Variants in BCL11B observed in about 807,000 individuals in gnomAD.
BCL11B encodes B-cell lymphoma/leukemia 11B.
In BCL11B, 8 loss-of-function variants were observed where a neutral mutation model predicts 49.9. The observed-to-expected ratio is 0.16, with a 90% CI of 0.09 to 0.29. BCL11B has a LOEUF of 0.29. BCL11B is among the 10% of genes least tolerant of loss of function. The pLI is 1.00. For missense variants in BCL11B, 1,006 were observed against 1,351.0 expected (o/e 0.74, Z 4.00); for synonymous variants, 739 against 637.4 (o/e 1.16, Z -2.40).
intron 1 of BCL11B, among the ~76,000 whole-genome samples, chr14:99,266,508 C>G (rs1170807341): frequency 1.3e-5 from 2 of 152,178 alleles, no homozygotes; most frequent in Non-Finnish European, 2.9e-5. Context: ...AGAAAATGCC[C>G]CCATCTGCCA....
chr14:99,214,199 A>C (rs1311698264), intron 3 of BCL11B, among the ~76,000 whole-genome samples: 2 of 152,018 alleles, frequency 1.3e-5, no homozygotes, highest in Admixed American at 1.3e-4. Flanking sequence ...TCCCAGGGAC[A>C]CTCCAGCCTA....
rs533681306 is a variant in BCL11B, at chr14:99,213,731, G to A, written c.640+17614C>T. Among the ~76,000 whole-genome samples, 11 of 152,320 alleles carry A rather than the reference G, an allele frequency of 7.2e-5. No individual in the cohort carries two copies. Among genetic ancestry groups the A allele is most frequent in the East Asian group, 3.9e-4 (2 of 5,164 alleles). ...TCAGCCACACGTGTCCTAGCTCAGC[G>A]CAGGGACTTGGGGCACATCCTGTCC... On this transcript the variant is annotated intron_variant, in intron 3 of 3. Coordinates refer to ENST00000357195, the MANE Select transcript of BCL11B (RefSeq NM_138576.4). The surrounding 1 kb of genome is among the most constrained non-coding windows in gnomAD (Gnocchi z 5.1).
intron 2 of BCL11B, among the ~76,000 whole-genome samples, chr14:99,234,513 C>T (rs990177831): frequency 2.6e-5 from 4 of 152,160 alleles, no homozygotes; most frequent in African/African-American, 9.7e-5. Flanking sequence ...CCAGGCCGCA[C>T]AGCCTTGAGG....
In BCL11B at chr14:99,242,158, C is replaced by G. The variant is rs1377254679; in HGVS notation, c.428-10601G>C. 6.6e-6 allele frequency among the ~76,000 whole-genome samples: 1 copy of G among 152,132 alleles called. No individual in the cohort carries two copies. Among genetic ancestry groups the G allele is most frequent in the Non-Finnish European group, 1.5e-5 (1 of 68,024 alleles). On this transcript the variant is annotated intron_variant, in intron 2 of 3. Coordinates refer to ENST00000357195, the MANE Select transcript of BCL11B (RefSeq NM_138576.4). The surrounding 1 kb of genome is among the most constrained non-coding windows in gnomAD (Gnocchi z 4.4). The stretch of plus-strand genomic sequence containing the variant: ...TTTAGGAGAACAAGAATCCTCTACC[C>G]CAAAATACATGCATGTGTCAAAAGA...
chr14:99,235,965 G>A (rs188734865), intron 2 of BCL11B, among the ~76,000 whole-genome samples: 7 of 152,084 alleles, frequency 4.6e-5, no homozygotes, highest in Non-Finnish European at 8.8e-5. Flanking sequence ...TAATGAGGGC[G>A]ATTGATGGCT....
chr14:99,237,031 AT>A (rs1888519621), intron 2 of BCL11B, among the ~76,000 whole-genome samples: 2 of 144,538 alleles, frequency 1.4e-5, no homozygotes, highest in Non-Finnish European at 3.0e-5. Context: ...TTCTCTCATC[AT>A]TTGTCTTTCT....
chr14:99,251,618 G>C (rs1983472), intron 2 of BCL11B, among the ~76,000 whole-genome samples: 151,392 of 152,358 alleles, frequency 0.99, 75,223 homozygotes, highest in East Asian at 1. Context: ...TGAATTTACA[G>C]TGTACTTCAT....
chr14:99,214,825 T>C (rs572407333), intron 3 of BCL11B, among the ~76,000 whole-genome samples: 2 of 152,156 alleles, frequency 1.3e-5, no homozygotes, highest in African/African-American at 2.4e-5. Context: ...TTCTAGCTGA[T>C]GGGTGGCTCC....
chr14:99,174,140 G>A lies in BCL11B; in HGVS notation c.*11C>T. The A allele has an allele frequency of 6.2e-7, 1 of 1,608,556 alleles. No individual in the cohort carries two copies. The highest frequency in any genetic ancestry group is 8.5e-7 in the Non-Finnish European group (1 of 1,179,244). ...CCACTGTACAGGTGCGGGGCGCCGG[G>A]GCCCGCGCGCTTAGCTCCTCTCGGC... On this transcript the variant is annotated 3_prime_UTR_variant, in exon 4 of 4. Transcript: ENST00000357195.
chr14:99,242,345 G>C lies in BCL11B; in HGVS notation c.428-10788C>G, dbSNP rs1019876756. Among the ~76,000 whole-genome samples the C allele has an allele frequency of 6.6e-6, 1 of 152,210 alleles. No homozygotes were observed. Among genetic ancestry groups the C allele is most frequent in the Non-Finnish European group, 1.5e-5 (1 of 68,042 alleles). Reference sequence around the variant, plus strand: ...TGGGCTGGGTACAGCGACAGGCGGAGAGGCCCGTCAGGTTGGGAGGGTTAC... The same window carrying C: ...TGGGCTGGGTACAGCGACAGGCGGACAGGCCCGTCAGGTTGGGAGGGTTAC... On this transcript the variant is annotated intron_variant, in intron 2 of 3. Transcript: ENST00000357195. This position sits in a 1 kb window ranked among gnomAD's most constrained non-coding sequence, Gnocchi z 4.4.
At chr14:99,256,376 T>G (rs1377034319) in intron 2 of BCL11B, among the ~76,000 whole-genome samples, 1 of 152,188 alleles carries the variant, frequency 6.6e-6, no homozygotes, top group Non-Finnish European at 1.5e-5. Flanking sequence ...CCAGGCCTGC[T>G]GCTATTATCA....
rs2139847035 is a variant in BCL11B at position 99,213,300 on chromosome 14, C to G, written c.640+18045G>C. Among the ~76,000 whole-genome samples the G allele has an allele frequency of 6.6e-6, 1 of 152,332 alleles. No homozygotes were observed. The highest frequency in any genetic ancestry group is 3.4e-3 in the Middle Eastern group (1 of 294). On this transcript the variant is annotated intron_variant, in intron 3 of 3. Coordinates refer to ENST00000357195, the MANE Select transcript of BCL11B (RefSeq NM_138576.4). This position sits in a 1 kb window ranked among gnomAD's most constrained non-coding sequence, Gnocchi z 5.1. ...ATGAAGGCCCCGAGCTGCTCCCTCT[C>G]AAGTGCAGCAGACACAGCCCCGACT...
At chr14:99,181,364 G>C (rs980958259) in intron 3 of BCL11B, among the ~76,000 whole-genome samples, 3 of 152,216 alleles carry the variant, frequency 2.0e-5, no homozygotes, top group Non-Finnish European at 4.4e-5. Context: ...GGCCTCAAGG[G>C]GGGCCAGGGG....
rs1232429381 is a variant in BCL11B, at chr14:99,205,178, G to A, written c.640+26167C>T. Among the ~76,000 whole-genome samples, 4 of 152,028 alleles carry A rather than the reference G, an allele frequency of 2.6e-5. No homozygotes were observed. Among genetic ancestry groups the A allele is most frequent in the Non-Finnish European group, 4.4e-5 (3 of 67,996 alleles). On this transcript the variant is annotated intron_variant, in intron 3 of 3. Coordinates refer to ENST00000357195, the MANE Select transcript of BCL11B (RefSeq NM_138576.4). The surrounding 1 kb of genome is among the most constrained non-coding windows in gnomAD (Gnocchi z 5.0). ...GGAATTAAAAAAAAAACAGGCCCTTGAACGAACCGAGGGCCCTCCTGGGCT... is the reference window on the plus strand; with the variant it reads ...GGAATTAAAAAAAAAACAGGCCCTTAAACGAACCGAGGGCCCTCCTGGGCT...
intron 3 of BCL11B, among the ~76,000 whole-genome samples, chr14:99,225,202 G>A (rs902751161): frequency 6.6e-6 from 1 of 152,206 alleles, no homozygotes; most frequent in African/African-American, 2.4e-5. Context: ...TGGCCTAGTG[G>A]GCAGACCCAG....
chr14:99,229,246 C>T (rs1888258713), intron 3 of BCL11B, among the ~76,000 whole-genome samples: 1 of 152,170 alleles, frequency 6.6e-6, no homozygotes, highest in Admixed American at 6.5e-5. Flanking sequence ...ATTAGGGTTG[C>T]TGTGAGGGTT....
At chr14:99,215,074 T>C (rs1048228465) in intron 3 of BCL11B, among the ~76,000 whole-genome samples, 1 of 152,120 alleles carries the variant, frequency 6.6e-6, no homozygotes, top group East Asian at 1.9e-4. Flanking sequence ...GCTGCCTCCA[T>C]GCCCAGAAGG....
At chr14:99,233,768 C>T (rs1369832347) in intron 2 of BCL11B, among the ~76,000 whole-genome samples, 1 of 152,166 alleles carries the variant, frequency 6.6e-6, no homozygotes. Flanking sequence ...CACGTTGTTC[C>T]CTGCATAGGG....
chr14:99,206,911 A>G (rs1378597718), intron 3 of BCL11B, among the ~76,000 whole-genome samples: 2 of 152,212 alleles, frequency 1.3e-5, no homozygotes, highest in Admixed American at 1.3e-4. Context: ...CACTTGGCCC[A>G]CGAACCCTAA....
Sources: allele counts gnomAD v4.1 joint callset (sites outside exome capture counted in the v4.1 genomes callset), GRCh38; gene constraint gnomAD v4.1.1; non-coding constraint Gnocchi (gnomAD v3.1); transcripts MANE v1.5; gene names NCBI Gene and HGNC (gene_info 2026-07-23, HGNC 2026-07-21).